DIAPH1: variants seen among roughly 807,000 people sequenced by gnomAD.
The protein encoded by DIAPH1 is protein diaphanous homolog 1.
In DIAPH1, 46 loss-of-function variants were observed where a neutral mutation model predicts 140.7. The observed-to-expected ratio is 0.33, with a 90% CI of 0.26 to 0.42. The LOEUF (loss-of-function observed/expected upper bound fraction) is 0.42, where lower values mean the gene tolerates loss of function less well. Among genes scored for constraint, DIAPH1 ranks in the 10% least tolerant of loss-of-function variants. DIAPH1 has a pLI of 1.00. For missense variants in DIAPH1, 1,310 were observed against 1,558.7 expected (o/e 0.84, Z 2.69); for synonymous variants, 565 against 551.6 (o/e 1.02, Z -0.34).
intron 18 of DIAPH1, among the ~76,000 whole-genome samples, chr5:141,553,353 G>GA (rs2099892039): frequency 1.3e-5 from 2 of 148,616 alleles, no homozygotes; most frequent in Admixed American, 1.3e-4. Flanking sequence ...AACAAAAACA[G>GA]TCTCGGCCGG....
At chr5:141,537,493 A>AT (rs1157531693) in intron 18 of DIAPH1, among the ~76,000 whole-genome samples, 14 of 148,736 alleles carry the variant, frequency 9.4e-5, no homozygotes, top group African/African-American at 3.4e-4. Context: ...CAAAAAAAAA[A>AT]AAAAAAAAAA....
chr5:141,606,123 A>C (rs752333658), intron 1 of DIAPH1, among the ~76,000 whole-genome samples: 1 of 152,164 alleles, frequency 6.6e-6, no homozygotes, highest in Admixed American at 6.5e-5. Context: ...AAGGAACTGA[A>C]GGAATTCTTA....
At chr5:141,560,719 C>G in intron 18 of DIAPH1, 1 of 378,532 alleles carries the variant, frequency 2.6e-6, no homozygotes, top group Non-Finnish European at 5.3e-6. Context: ...CTGCAGAATT[C>G]TAAACCATTC....
intron 3 of DIAPH1, among the ~76,000 whole-genome samples, chr5:141,584,960 G>GT (rs796123999): frequency 1.2e-3 from 176 of 144,938 alleles, no homozygotes; most frequent in Middle Eastern, 0.011. Context: ...TTCCTGGTGG[G>GT]TTTTTTTTTT....
chr5:141,581,231 G>C (rs913704272), intron 7 of DIAPH1, among the ~76,000 whole-genome samples: 4 of 152,108 alleles, frequency 2.6e-5, no homozygotes, highest in African/African-American at 9.7e-5. Flanking sequence ...GAGTGCCAAG[G>C]ATTGCCAACA....
rs142040204 is a variant in DIAPH1 at position 141,557,043 on chromosome 5, A to T, written c.2482+14385T>A. Among the ~76,000 whole-genome samples, 577 of 152,322 alleles carry T rather than the reference A, an allele frequency of 3.8e-3. 5 individuals are homozygous for T. Among genetic ancestry groups the T allele is most frequent in the Admixed American group, 0.011 (168 of 15,302 alleles). ...GTCTATAAATAAATTGCAAAATAAA[A>T]AATAAAAAAGAGCATAAGAGAGAAC... On this transcript the variant is annotated intron_variant, in intron 18 of 27. Coordinates refer to ENST00000389054, the MANE Select transcript of DIAPH1 (RefSeq NM_005219.5).
chr5:141,598,699 C>CA (rs1295291279), intron 1 of DIAPH1, among the ~76,000 whole-genome samples: 2 of 151,894 alleles, frequency 1.3e-5, no homozygotes, highest in South Asian at 2.1e-4. Flanking sequence ...ATAACAACAA[C>CA]AACAACAAAA....
intron 18 of DIAPH1, among the ~76,000 whole-genome samples, chr5:141,545,449 G>A (rs553706700): frequency 3.3e-5 from 5 of 152,204 alleles, no homozygotes; most frequent in African/African-American, 7.2e-5. Flanking sequence ...CCAGGAGCTC[G>A]AGACCAGCCT....
chr5:141,538,796 G>T (rs1338208465), intron 18 of DIAPH1, among the ~76,000 whole-genome samples: 2 of 152,150 alleles, frequency 1.3e-5, no homozygotes, highest in East Asian at 3.9e-4. Context: ...AGGCTGGGCT[G>T]GGCTCAAGCA....
At chr5:141,560,924 G>C (rs1036792119) in intron 18 of DIAPH1, 1 of 456,014 alleles carries the variant, frequency 2.2e-6, no homozygotes, top group Admixed American at 2.4e-5. Flanking sequence ...GCCAGGAAAG[G>C]GTGGGGAAAG....
chr5:141,573,740 GT>G lies in DIAPH1; in HGVS notation c.2109del (p.Pro704LeufsTer64). ...PLPGSAGIPP[P>X]PPPLPGEAGM... is the part of the protein sequence containing the mutation. Reference sequence around the variant, plus strand: ...CCTGCTTCTCCAGGCAAGGGAGGAGGTGGGGGGGGAATTCCAGCACTCCCAG... The same window carrying G: ...CCTGCTTCTCCAGGCAAGGGAGGAGGGGGGGGGGAATTCCAGCACTCCCAG... On this transcript the variant is annotated frameshift_variant, in exon 16 of 28. Transcript: ENST00000389054. LOFTEE classifies it high-confidence loss of function. 6.5e-7 allele frequency: 1 copy of G among 1,530,148 alleles called. No individual in the cohort carries two copies. The highest frequency in any genetic ancestry group is 1.4e-5 in the African/African-American group (1 of 71,628). The allele number at this position is 1,530,148 out of a possible 1,614,324, so 94.8% of individuals were successfully genotyped here. A position where few individuals can be genotyped will look rare whatever the true frequency, so the allele number is the denominator to read the frequency against.
chr5:141,617,361 TG>T (rs1156250056), intron 1 of DIAPH1, among the ~76,000 whole-genome samples: 1 of 152,112 alleles, frequency 6.6e-6, no homozygotes, highest in Non-Finnish European at 1.5e-5. Context: ...CAGATATCAC[TG>T]GAAAGGGCAG....
intron 15 of DIAPH1, 127 bp from the exon 16 acceptor site, chr5:141,574,335 G>C (rs1019921863): frequency 2.1e-6 from 2 of 937,464 alleles, no homozygotes; most frequent in Non-Finnish European, 3.3e-6. Flanking sequence ...AGAGGAGTCA[G>C]AGAGATGACA....
At chr5:141,522,142 T>C (rs2099886650) in intron 27 of DIAPH1, among the ~76,000 whole-genome samples, 1 of 152,232 alleles carries the variant, frequency 6.6e-6, no homozygotes, top group South Asian at 2.1e-4. Context: ...GTTACCAGAA[T>C]AACTACAAAT....
chr5:141,608,958 TA>T (rs1230728530), intron 1 of DIAPH1, among the ~76,000 whole-genome samples: 1 of 152,142 alleles, frequency 6.6e-6, no homozygotes, highest in Non-Finnish European at 1.5e-5. Flanking sequence ...TTTAAACAAC[TA>T]AAACTCCTGA....
At chr5:141,577,909 C>A in intron 11 of DIAPH1, 2 of 507,812 alleles carry the variant, frequency 3.9e-6, no homozygotes, top group Non-Finnish European at 7.1e-6. Context: ...AAATTACTCC[C>A]TCTGTCAGTC....
intron 3 of DIAPH1, among the ~76,000 whole-genome samples, chr5:141,585,471 C>T (rs906535577): frequency 1.7e-4 from 26 of 152,162 alleles, no homozygotes; most frequent in Admixed American, 1.3e-3. Context: ...GTCAAACAAA[C>T]GGTTTTTTCA....
intron 12 of DIAPH1, among the ~76,000 whole-genome samples, chr5:141,577,169 A>G (rs2099896084): frequency 1.3e-5 from 2 of 152,168 alleles, no homozygotes; most frequent in Admixed American, 1.3e-4. Context: ...CTAAATCTAT[A>G]CTTCCAGGAA....
chr5:141,528,720 A>G lies in DIAPH1; in HGVS notation c.3000T>C (p.Asn1000=). ...GSRNAGAFGF[N]ISFLCKLRDT... is the part of the protein sequence containing the mutation. The stretch of plus-strand genomic sequence containing the variant: ...GGCTCACCTTACAGAGGAAGCTGAT[A>G]TTGAAGCCAAAAGCACCAGCATTTC... Residue 1000 remains asparagine (N), a synonymous_variant, in exon 22 of 28, where the codon AAT becomes AAC. Coordinates refer to ENST00000389054, the MANE Select transcript of DIAPH1 (RefSeq NM_005219.5). 6.2e-7 allele frequency: 1 copy of G among 1,614,230 alleles called. No homozygotes were observed. The highest frequency in any genetic ancestry group is 2.2e-5 in the East Asian group (1 of 44,886).
Sources: gnomAD v4.1 joint callset for allele counts (sites outside exome capture counted in the v4.1 genomes callset) on GRCh38, gnomAD v4.1.1 for gene constraint, MANE v1.5 for transcripts, NCBI Gene and HGNC (gene_info 2026-07-23, HGNC 2026-07-21) for gene names.